The following MARK3 variants were observed in gnomAD, a reference collection of about 807,000 sequenced individuals.
MARK3 encodes microtubule affinity regulating kinase 3.
A neutral mutation model predicts 90.1 loss-of-function variants in MARK3; 46 were observed. That is an observed-to-expected ratio of 0.51 (90% confidence interval 0.40 to 0.65). MARK3 has a LOEUF of 0.65. MARK3 is among the 30% of genes least tolerant of loss of function. The pLI, the probability that MARK3 is intolerant of heterozygous loss-of-function variation, is 0.00. For synonymous variants in MARK3, 321 were observed against 332.6 expected (o/e 0.97, Z 0.38); for missense variants, 818 against 947.2 (o/e 0.86, Z 1.79).
intron 3 of MARK3, among the ~76,000 whole-genome samples, chr14:103,430,998 C>T (rs117784672): frequency 1.3e-5 from 2 of 152,156 alleles, no homozygotes; most frequent in South Asian, 4.1e-4. Flanking sequence ...CAGCATCTGG[C>T]TATATACCTT....
At position 103,444,734 on chromosome 14, in the gene MARK3, G is replaced by A. The variant is rs1231187825; in HGVS notation, c.298-4185G>A. ...GGAGCTTTCAGTGAGCCAAGATGGC[G>A]CCACTATACTCCAGCCTGGGCGACA... On this transcript the variant is annotated intron_variant, in intron 3 of 17. Transcript: ENST00000429436. Among the ~76,000 whole-genome samples the A allele has an allele frequency of 2.6e-5, 4 of 151,868 alleles. No individual in the cohort carries two copies. In the South Asian group the frequency reaches 6.2e-4, roughly 24 times the overall value.
chr14:103,473,124 TC>T (rs1462555100), intron 12 of MARK3, among the ~76,000 whole-genome samples: 1 of 152,204 alleles, frequency 6.6e-6, no homozygotes, highest in Non-Finnish European at 1.5e-5. Flanking sequence ...CATATAACAT[TC>T]TTGAAATGAC....
intron 14 of MARK3, among the ~76,000 whole-genome samples, chr14:103,482,993 T>A (rs1467246057): frequency 6.6e-6 from 1 of 152,176 alleles, no homozygotes; most frequent in Non-Finnish European, 1.5e-5. Flanking sequence ...TTTAATAATA[T>A]TTGGACTTTC....
At chr14:103,440,551 G>A (rs1442356287) in intron 3 of MARK3, among the ~76,000 whole-genome samples, 1 of 152,156 alleles carries the variant, frequency 6.6e-6, no homozygotes, top group Non-Finnish European at 1.5e-5. Flanking sequence ...AGTGAGCTGA[G>A]ATTGCGCCAC....
At chr14:103,487,102 T>A (rs5027296) in intron 14 of MARK3, among the ~76,000 whole-genome samples, 146,546 of 151,234 alleles carry the variant, frequency 0.97, 71,180 homozygotes, top group East Asian at 1. Flanking sequence ...TTTTTAGTAG[T>A]GATGGGTTTT....
intron 6 of MARK3, among the ~76,000 whole-genome samples, chr14:103,461,457 T>C (rs1047587435): frequency 2.6e-4 from 39 of 152,220 alleles, no homozygotes; most frequent in African/African-American, 6.8e-4. Context: ...AAAAGCATAC[T>C]ATTTACTGAA....
chr14:103,466,488 CAT>C (rs2093504979), intron 10 of MARK3, 46 bp downstream of exon 10: 2 of 1,283,726 alleles, frequency 1.6e-6, no homozygotes, highest in Non-Finnish European at 1.1e-6. Flanking sequence ...GTCTAAGTAA[CAT>C]ATTTCTGTTT....
intron 2 of MARK3, among the ~76,000 whole-genome samples, chr14:103,421,514 T>G (rs1181855569): frequency 6.6e-6 from 1 of 152,144 alleles, no homozygotes; most frequent in Admixed American, 6.6e-5. Context: ...AGCTGAGAGC[T>G]CCCAGTAAAG....
chr14:103,435,754 T>C (rs564627141), intron 3 of MARK3, among the ~76,000 whole-genome samples: 2 of 152,216 alleles, frequency 1.3e-5, no homozygotes, highest in East Asian at 3.9e-4. Context: ...GGTCTTGTCC[T>C]GTTGCCCAGG....
At chr14:103,392,474 T>C (rs983465781) in intron 1 of MARK3, among the ~76,000 whole-genome samples, 1 of 152,164 alleles carries the variant, frequency 6.6e-6, no homozygotes, top group Non-Finnish European at 1.5e-5. Context: ...ATGTTGATGC[T>C]CCAGGTCCGG....
At chr14:103,464,959 C>T (rs1272172121) in intron 7 of MARK3, among the ~76,000 whole-genome samples, 3 of 151,532 alleles carry the variant, frequency 2.0e-5, no homozygotes, top group Non-Finnish European at 4.4e-5. Context: ...CTGGCCCTGC[C>T]CCATATTATT....
chr14:103,431,358 CTTGCTGGGA>C (rs1192393248), intron 3 of MARK3, among the ~76,000 whole-genome samples: 1 of 152,168 alleles, frequency 6.6e-6, no homozygotes, highest in Admixed American at 6.5e-5. Context: ...TCAGCCTCCA[CTTGCTGGGA>C]TTACACGTGT....
At chr14:103,389,147 G>T (rs1317945500) in intron 1 of MARK3, among the ~76,000 whole-genome samples, 1 of 151,566 alleles carries the variant, frequency 6.6e-6, no homozygotes, top group South Asian at 2.1e-4. Context: ...GGCGGATCAC[G>T]AGGTCAGGAG....
In MARK3 at chr14:103,475,892, C is replaced by A. The variant is rs564961007; in HGVS notation, c.1482+682C>A. On this transcript the variant is annotated intron_variant, in intron 13 of 17. Transcript: ENST00000429436. ...TCAGGAGGCAGAGGTTACAGTGAGC[C>A]GAGATCGCATCACTGCACTCTAGCC... is the stretch of plus-strand genomic sequence containing the variant. Among the ~76,000 whole-genome samples the A allele has an allele frequency of 1.3e-4, 19 of 150,842 alleles. No individual in the cohort carries two copies. The South Asian group carries it at 3.8e-3, about 30-fold the overall frequency.
intron 14 of MARK3, 34 bp from the exon 15 acceptor site, chr14:103,491,743 T>C (rs771314883): frequency 1.2e-6 from 2 of 1,605,134 alleles, no homozygotes; most frequent in African/African-American, 2.7e-5. Context: ...TTGTATATCA[T>C]GTTCTGAGAG....
At chr14:103,482,051 C>G (rs2093834303) in intron 14 of MARK3, among the ~76,000 whole-genome samples, 1 of 151,128 alleles carries the variant, frequency 6.6e-6, no homozygotes, top group South Asian at 2.1e-4. Flanking sequence ...CAGGCGTGAG[C>G]CACCGTACCC....
chr14:103,480,324 C>G, intron 13 of MARK3, 63 bp from the exon 14 acceptor site: 1 of 971,912 alleles, frequency 1.0e-6, no homozygotes, highest in East Asian at 2.5e-5. Flanking sequence ...TAGATAAGTT[C>G]ATTTTTTCTC....
intron 12 of MARK3, among the ~76,000 whole-genome samples, chr14:103,471,741 G>A (rs1010200210): frequency 2.7e-5 from 4 of 150,168 alleles, no homozygotes; most frequent in African/African-American, 9.9e-5. Context: ...CTTTTTCTGC[G>A]AATGGTGATC....
chr14:103,439,210 T>C (rs924880086), intron 3 of MARK3, among the ~76,000 whole-genome samples: 1 of 152,168 alleles, frequency 6.6e-6, no homozygotes, highest in African/African-American at 2.4e-5. Context: ...GAAATAGATC[T>C]TCAACCATAC....
Sources: allele counts gnomAD v4.1 joint callset (sites outside exome capture counted in the v4.1 genomes callset), GRCh38; gene constraint gnomAD v4.1.1; transcripts MANE v1.5; gene names NCBI Gene and HGNC (gene_info 2026-07-23, HGNC 2026-07-21).